Variants in RBFOX1 observed in about 807,000 individuals in gnomAD.
RBFOX1 encodes RNA binding protein fox-1 homolog 1.
A neutral mutation model predicts 57.7 loss-of-function variants in RBFOX1; 8 were observed. That is an observed-to-expected ratio of 0.14 (90% CI 0.08 to 0.25). RBFOX1 has a LOEUF of 0.25. RBFOX1 is among the 10% of genes least tolerant of loss of function. RBFOX1 has a pLI of 1.00. For missense variants in RBFOX1, 611 were observed against 548.5 expected (o/e 1.11, Z -1.14); for synonymous variants, 326 against 222.4 (o/e 1.47, Z -4.15).
chr16:7,602,156 GC>G (rs1239420665), intron 9 of RBFOX1, among the ~76,000 whole-genome samples: 3 of 152,170 alleles, frequency 2.0e-5, no homozygotes, highest in Admixed American at 2.0e-4. Context: ...TTCAGACTTG[GC>G]CTTTTAACAC....
rs2088910142 is a variant in RBFOX1 at position 7,557,432 on chromosome 16, C to A, written c.271-22345C>A. On this transcript the variant is annotated intron_variant, in intron 5 of 15. Transcript: ENST00000550418. Reference sequence around the variant, plus strand: ...ATCAAGAATTCCAGACCAGCCTGACCAACATGTTGAAACCCCGACTTTACT... The same window carrying A: ...ATCAAGAATTCCAGACCAGCCTGACAAACATGTTGAAACCCCGACTTTACT... Among the ~76,000 whole-genome samples the A allele has an allele frequency of 2.0e-5, 3 of 151,706 alleles. No homozygotes were observed. The South Asian group carries it at 6.2e-4, about 32-fold the overall frequency.
intron 4 of RBFOX1, among the ~76,000 whole-genome samples, chr16:7,492,422 G>C (rs1307787580): frequency 6.6e-6 from 1 of 152,056 alleles, no homozygotes; most frequent in South Asian, 2.1e-4. Flanking sequence ...TCATTCTTTA[G>C]TTTCCTAGAA....
chr16:7,548,678 G>A (rs571839858), intron 5 of RBFOX1, among the ~76,000 whole-genome samples: 1 of 152,330 alleles, frequency 6.6e-6, no homozygotes, highest in Non-Finnish European at 1.5e-5. Context: ...CCTCCAGCCA[G>A]TTTCGGCTGC....
chr16:6,729,963 A>G (rs1364478485), intron 3 of RBFOX1, among the ~76,000 whole-genome samples: 4 of 152,048 alleles, frequency 2.6e-5, no homozygotes, highest in East Asian at 3.9e-4. Context: ...AAAAACTCAG[A>G]TCCTGATGCC....
intron 4 of RBFOX1, among the ~76,000 whole-genome samples, chr16:7,388,774 G>T (rs2097930984): frequency 6.7e-6 from 1 of 148,738 alleles, no homozygotes; most frequent in African/African-American, 2.5e-5. Context: ...CTTTGTGTTA[G>T]ATGAGTTTGT....
intron 3 of RBFOX1, among the ~76,000 whole-genome samples, chr16:6,887,287 G>C (rs1016564790): frequency 6.6e-6 from 1 of 152,178 alleles, no homozygotes; most frequent in Admixed American, 6.5e-5. Flanking sequence ...ATGTTTCAAA[G>C]TGTGGTGGGG....
At chr16:7,557,419 A>G (rs550014379) in intron 5 of RBFOX1, among the ~76,000 whole-genome samples, 6 of 152,158 alleles carry the variant, frequency 3.9e-5, no homozygotes. Context: ...CAAGAATTCC[A>G]GACCAGCCTG....
chr16:6,585,986 G>A (rs111436652), intron 2 of RBFOX1, among the ~76,000 whole-genome samples: 200 of 152,268 alleles, frequency 1.3e-3, no homozygotes, highest in African/African-American at 4.7e-3. Flanking sequence ...CAAAACAGTG[G>A]AATACATGTT....
chr16:5,262,979 C>T (rs931559576), intron 1 of RBFOX1, among the ~76,000 whole-genome samples: 4 of 152,120 alleles, frequency 2.6e-5, no homozygotes, highest in Admixed American at 1.3e-4. Flanking sequence ...TACTTCTAGG[C>T]TGAGTCTGAA....
At chr16:7,244,933 G>A (rs1603442092) in intron 4 of RBFOX1, among the ~76,000 whole-genome samples, 1 of 152,310 alleles carries the variant, frequency 6.6e-6, no homozygotes, top group East Asian at 1.9e-4. Context: ...TTTCATGTCA[G>A]AGGCACAGTA....
intron 3 of RBFOX1, among the ~76,000 whole-genome samples, chr16:6,745,995 A>G (rs946823695): frequency 1.4e-4 from 21 of 152,228 alleles, no homozygotes; most frequent in African/African-American, 4.1e-4. Flanking sequence ...CAAATTGGAA[A>G]TTAAAGCTTA....
intron 2 of RBFOX1, among the ~76,000 whole-genome samples, chr16:6,602,601 G>T (rs1327295224): frequency 1.3e-5 from 2 of 152,106 alleles, no homozygotes; most frequent in African/African-American, 4.8e-5. Flanking sequence ...GGGACTCCTG[G>T]GAAAGCCTTC....
chr16:7,005,852 C>T (rs1186827388), intron 3 of RBFOX1, among the ~76,000 whole-genome samples: 1 of 152,220 alleles, frequency 6.6e-6, no homozygotes, highest in Non-Finnish European at 1.5e-5. Flanking sequence ...ACAGCTTTCG[C>T]TTCACTAAAT....
chr16:6,406,883 A>T (rs1001833449), intron 2 of RBFOX1, among the ~76,000 whole-genome samples: 3 of 152,168 alleles, frequency 2.0e-5, no homozygotes, highest in Non-Finnish European at 4.4e-5. Context: ...GTGTGTTTAT[A>T]TGCTGGCTGA....
In RBFOX1 at chr16:6,158,910, G is replaced by GT. The variant is rs35733470; in HGVS notation, c.-127+138930dup. Among the ~76,000 whole-genome samples the GT allele has an allele frequency of 2.0e-3, 292 of 145,018 alleles. 1 individual carries two copies. The highest frequency in any genetic ancestry group is 4.2e-3 in the African/African-American group (167 of 39,468). ...GGTGAAATTTCTCTGTCATAGGTTT[G>GT]TTTTTTTTTTTTGAGACAGTCTCTC... On this transcript the variant is annotated intron_variant, in intron 1 of 15. Transcript: ENST00000550418.
At chr16:6,512,457 A>G (rs956204430) in intron 2 of RBFOX1, among the ~76,000 whole-genome samples, 5 of 152,120 alleles carry the variant, frequency 3.3e-5, no homozygotes, top group Non-Finnish European at 7.3e-5. Flanking sequence ...TGGATAGGTC[A>G]TGGAGTTGAG....
chr16:6,968,461 G>C (rs377187179), intron 3 of RBFOX1, among the ~76,000 whole-genome samples: 1 of 151,894 alleles, frequency 6.6e-6, no homozygotes, highest in Admixed American at 6.5e-5. Flanking sequence ...GACGCTATCC[G>C]GACCGAAAAA....
chr16:7,292,273 TTA>T (rs1491566338), intron 4 of RBFOX1, among the ~76,000 whole-genome samples: 1 of 122,234 alleles, frequency 8.2e-6, no homozygotes, highest in Non-Finnish European at 1.7e-5. Context: ...ATAGAACGTA[TTA>T]TATATCATAT....
At chr16:6,069,941 C>A (rs1021310333) in intron 1 of RBFOX1, among the ~76,000 whole-genome samples, 4 of 151,948 alleles carry the variant, frequency 2.6e-5, no homozygotes, top group Admixed American at 2.6e-4. Flanking sequence ...GAGCCGAGAT[C>A]CAACCGCTGC....
Sources: gnomAD v4.1 joint callset for allele counts (sites outside exome capture counted in the v4.1 genomes callset) on GRCh38, gnomAD v4.1.1 for gene constraint, MANE v1.5 for transcripts, NCBI Gene and HGNC (gene_info 2026-07-23, HGNC 2026-07-21) for gene names.